Variants in TMEM132D observed in about 807,000 individuals in gnomAD.
The protein encoded by TMEM132D is mature OL transmembrane protein.
TMEM132D carries 21 observed loss-of-function variants against 62.3 expected under a neutral mutation model. The observed-to-expected ratio is 0.34, with a 90% CI of 0.24 to 0.49. TMEM132D has a LOEUF of 0.49. Ranked by LOEUF, TMEM132D falls within the 20% of genes least tolerant of loss-of-function variation. The pLI, the probability that TMEM132D is intolerant of heterozygous loss-of-function variation, is 0.99. For synonymous variants in TMEM132D, 621 were observed against 575.6 expected, an observed-to-expected ratio of 1.08 and a Z score of -1.13; for missense variants, 1,346 against 1,402.8, an observed-to-expected ratio of 0.96 and a Z score of 0.65.
intron 2 of TMEM132D, among the ~76,000 whole-genome samples, chr12:129,547,177 C>T (rs1238198640): frequency 6.6e-6 from 1 of 152,192 alleles, no homozygotes; most frequent in African/African-American, 2.4e-5. Flanking sequence ...GCATCACCCC[C>T]GTCTCTGCCT....
chr12:129,799,753 A>T (rs1871702297), intron 1 of TMEM132D, among the ~76,000 whole-genome samples: 1 of 152,116 alleles, frequency 6.6e-6, no homozygotes, highest in Non-Finnish European at 1.5e-5. Flanking sequence ...TAGCAGGAAA[A>T]CTGCCAGGAC....
At chr12:129,569,579 G>A (rs1444663184) in intron 2 of TMEM132D, among the ~76,000 whole-genome samples, 1 of 152,124 alleles carries the variant, frequency 6.6e-6, no homozygotes, top group Non-Finnish European at 1.5e-5. Flanking sequence ...GGATTCAAAG[G>A]GGTAAACACA....
chr12:129,815,237 A>T (rs996273397), intron 1 of TMEM132D, among the ~76,000 whole-genome samples: 6 of 152,228 alleles, frequency 3.9e-5, no homozygotes, highest in African/African-American at 7.2e-5. Context: ...TTTAGCTCTT[A>T]GTTCTACCAC....
chr12:129,704,746 T>C (rs1881463698), intron 1 of TMEM132D, among the ~76,000 whole-genome samples: 1 of 151,904 alleles, frequency 6.6e-6, no homozygotes, highest in Non-Finnish European at 1.5e-5. Context: ...GATATGTAAA[T>C]AAACAAAAAC....
intron 1 of TMEM132D, among the ~76,000 whole-genome samples, chr12:129,891,299 TC>T (rs1375752091): frequency 6.6e-6 from 1 of 151,872 alleles, no homozygotes; most frequent in East Asian, 1.9e-4. Flanking sequence ...TCCACTCTAA[TC>T]CCTCACCCCT....
chr12:129,297,079 C>A (rs1291950312), intron 4 of TMEM132D, among the ~76,000 whole-genome samples: 1 of 152,152 alleles, frequency 6.6e-6, no homozygotes, highest in African/African-American at 2.4e-5. Flanking sequence ...TCAGAGTCTA[C>A]AGGAGAGCCC....
In TMEM132D at chr12:129,779,084, G is replaced by A. The variant is rs1871037068; in HGVS notation, c.80-78386C>T. On this transcript the variant is annotated intron_variant, in intron 1 of 8. Transcript: ENST00000422113. This position sits in a 1 kb window ranked among gnomAD's most constrained non-coding sequence, Gnocchi z 4.1. ...ACCCCTTGCCTCTTTTTCCGTCAAT[G>A]TCCTTACCATTCTCATACAACGAGG... Among the ~76,000 whole-genome samples the A allele has an allele frequency of 6.6e-6, 1 of 152,122 alleles. No homozygotes were observed. Among genetic ancestry groups the A allele is most frequent in the African/African-American group, 2.4e-5 (1 of 41,404 alleles).
chr12:129,550,527 C>A (rs563310861), intron 2 of TMEM132D, among the ~76,000 whole-genome samples: 2 of 152,174 alleles, frequency 1.3e-5, no homozygotes, highest in Non-Finnish European at 2.9e-5. Context: ...CCCACATGCT[C>A]TAATGCGGTG....
intron 5 of TMEM132D, among the ~76,000 whole-genome samples, chr12:129,159,166 T>C (rs1227046431): frequency 6.6e-6 from 1 of 152,198 alleles, no homozygotes; most frequent in Admixed American, 6.5e-5. Context: ...AATGTACTTC[T>C]TGGTTTTAAC....
intron 4 of TMEM132D, among the ~76,000 whole-genome samples, chr12:129,292,664 A>G (rs1311916599): frequency 1.3e-5 from 2 of 152,234 alleles, no homozygotes; most frequent in African/African-American, 4.8e-5. Context: ...ATCACTCAGA[A>G]AGTGCAATTG....
intron 4 of TMEM132D, among the ~76,000 whole-genome samples, chr12:129,217,755 G>A (rs1325476157): frequency 1.3e-5 from 2 of 152,192 alleles, no homozygotes; most frequent in Admixed American, 1.3e-4. Flanking sequence ...TAATAGACAT[G>A]AGACAGTAGG....
intron 3 of TMEM132D, among the ~76,000 whole-genome samples, chr12:129,404,231 C>T (rs1244436951): frequency 1.3e-5 from 2 of 152,114 alleles, no homozygotes; most frequent in African/African-American, 2.4e-5. Context: ...CAGAGTCTTA[C>T]TCTGTTGCCC....
At chr12:129,496,081 T>C (rs1369237994) in intron 3 of TMEM132D, among the ~76,000 whole-genome samples, 2 of 152,166 alleles carry the variant, frequency 1.3e-5, no homozygotes, top group African/African-American at 4.8e-5. Flanking sequence ...AAGATATTGA[T>C]TGGTTTCATT....
At chr12:129,297,389 C>A (rs748252839) in intron 4 of TMEM132D, among the ~76,000 whole-genome samples, 1 of 152,152 alleles carries the variant, frequency 6.6e-6, no homozygotes, top group Admixed American at 6.5e-5. Flanking sequence ...AAAGCAACTT[C>A]GGATCATTTA....
At chr12:129,162,587 G>A (rs999825504) in intron 5 of TMEM132D, among the ~76,000 whole-genome samples, 3 of 152,102 alleles carry the variant, frequency 2.0e-5, no homozygotes, top group African/African-American at 7.2e-5. Flanking sequence ...TTAGATCATG[G>A]GGTTGGATCC....
chr12:129,249,791 C>T (rs1223757027), intron 4 of TMEM132D, among the ~76,000 whole-genome samples: 1 of 152,068 alleles, frequency 6.6e-6, no homozygotes, highest in Non-Finnish European at 1.5e-5. Flanking sequence ...ATCTGAGAAC[C>T]ACATTTGGAA....
chr12:129,700,327 T>C lies in TMEM132D; in HGVS notation c.451A>G (p.Ile151Val), dbSNP rs760667560. 3 of 1,614,004 alleles carry C rather than the reference T, an allele frequency of 1.9e-6. No individual in the cohort carries two copies. Among genetic ancestry groups the C allele is most frequent in the Admixed American group, 1.7e-5 (1 of 60,030 alleles). The change falls in exon 2 of 9, where the codon ATC becomes GTC. Residue 151 changes from isoleucine to valine, a missense_variant. Ile to Val is a conservative substitution (Grantham distance 29). Coordinates refer to ENST00000422113, the MANE Select transcript of TMEM132D (RefSeq NM_133448.3). The part of the protein sequence containing the change: ...SRPKVQVLFH[I>V]MGRDWDDRSA... Reference sequence around the variant, plus strand: ...CGGTCGTCCCAGTCTCTGCCCATGATGTGGAACAGAACCTGCACTTTGGGC... The same window carrying C: ...CGGTCGTCCCAGTCTCTGCCCATGACGTGGAACAGAACCTGCACTTTGGGC...
intron 3 of TMEM132D, among the ~76,000 whole-genome samples, chr12:129,527,725 G>A (rs1386048861): frequency 6.6e-6 from 1 of 152,194 alleles, no homozygotes; most frequent in African/African-American, 2.4e-5. Context: ...TACTGAGCAA[G>A]ATTTTGCAAA....
At chr12:129,588,872 A>T (rs2137133009) in intron 2 of TMEM132D, among the ~76,000 whole-genome samples, 1 of 151,970 alleles carries the variant, frequency 6.6e-6, no homozygotes, top group East Asian at 1.9e-4. Flanking sequence ...ATACCCCAAA[A>T]TGGAAAGTAG....
Sources: allele counts gnomAD v4.1 joint callset (sites outside exome capture counted in the v4.1 genomes callset), GRCh38; gene constraint gnomAD v4.1.1; non-coding constraint Gnocchi (gnomAD v3.1); transcripts MANE v1.5; gene names NCBI Gene and HGNC (gene_info 2026-07-23, HGNC 2026-07-21).